Variants in LAMC2 observed in about 807,000 individuals in gnomAD.
The protein encoded by LAMC2 is laminin subunit gamma 2.
Under a neutral mutation model 140.2 loss-of-function variants are expected in LAMC2, and 97 were observed. The ratio of observed to expected loss-of-function variants is 0.69; its 90% CI spans 0.59 to 0.82. The LOEUF (loss-of-function observed/expected upper bound fraction) is 0.82. LAMC2 is among the 40% of genes least tolerant of loss of function. The pLI, the probability that LAMC2 is intolerant of heterozygous loss-of-function variation, is 0.00. For synonymous variants in LAMC2, 513 were observed against 540.2 expected (o/e 0.95, Z 0.70); for missense variants, 1,402 against 1,476.1 (o/e 0.95, Z 0.82).
intron 9 of LAMC2, 115 bp from the exon 10 acceptor site, chr1:183,227,399 TG>T: frequency 9.7e-7 from 1 of 1,034,104 alleles, no homozygotes; most frequent in Non-Finnish European, 1.5e-6. Flanking sequence ...TCAGGCACTT[TG>T]GGGAAGGCTT....
intron 7 of LAMC2, among the ~76,000 whole-genome samples, chr1:183,223,944 A>T (rs1418354719): frequency 6.6e-6 from 1 of 152,204 alleles, no homozygotes; most frequent in Non-Finnish European, 1.5e-5. Context: ...AGCTGTGCCT[A>T]CTAAGTGCTC....
the LAMC2 span, among the ~76,000 whole-genome samples, chr1:183,256,400 C>T: frequency 6.6e-6 from 1 of 152,036 alleles, no homozygotes; most frequent in African/African-American, 2.4e-5. Context: ...CAGAACCAGA[C>T]TCCATCTCAA....
the LAMC2 span, chr1:183,252,268 T>C: frequency 4.6e-5 from 10 of 216,704 alleles, no homozygotes; most frequent in South Asian, 6.8e-4. Flanking sequence ...GAGCCGCCTC[T>C]CTAGAGCATG....
At chr1:183,212,490 C>T (rs1259516664) in intron 2 of LAMC2, among the ~76,000 whole-genome samples, 2 of 152,132 alleles carry the variant, frequency 1.3e-5, no homozygotes, top group African/African-American at 2.4e-5. Flanking sequence ...TTCCATTGCT[C>T]ATTGTTTGAT....
rs1481802929 is a variant in LAMC2 at position 183,243,699 on chromosome 1, T to G, written c.*299T>G. 6.7e-6 allele frequency: 3 copies of G among 448,656 alleles called. No homozygotes were observed. The Admixed American group carries it at 1.0e-4, about 16-fold the overall frequency. The allele number at this position is 448,656 out of a possible 1,614,324, so 27.8% of individuals were successfully genotyped here. ...CAAACTGCACAGGCAGATGTTTGCC[T>G]CATAATAGTCGTAAGTGGAGTCCTG... On this transcript the variant is annotated 3_prime_UTR_variant, in exon 23 of 23. Transcript: ENST00000264144.
intron 18 of LAMC2, among the ~76,000 whole-genome samples, 155 bp downstream of exon 18, chr1:183,237,659 G>A (rs1203987159): frequency 6.6e-6 from 1 of 152,064 alleles, no homozygotes; most frequent in Non-Finnish European, 1.5e-5. Flanking sequence ...CAGGAGGATC[G>A]CTTGAACTCA....
At chr1:183,252,848 A>C in the LAMC2 span, 3 of 797,216 alleles carry the variant, frequency 3.8e-6, no homozygotes, top group Non-Finnish European at 6.5e-6. Flanking sequence ...GCCTTTTCTC[A>C]GGTTGAGTAA....
chr1:183,208,041 C>T lies in LAMC2; in HGVS notation c.240C>T (p.Arg80=). ...NGFYRHRERD[R]CLPCNCNSKG... ...TTTACCGGCACAGAGAAAGGGACCG[C>T]TGTTTGCCCTGCAATTGTAACTCCA... Residue 80 remains arginine, a synonymous_variant, in exon 2 of 23, where the codon CGC becomes CGT. Transcript: ENST00000264144. The T allele has an allele frequency of 6.2e-7, 1 of 1,613,998 alleles. No homozygotes were observed. Among genetic ancestry groups the T allele is most frequent in the Non-Finnish European group, 8.5e-7 (1 of 1,180,014 alleles).
chr1:183,237,323 C>CA (rs1403401216), intron 17 of LAMC2, 29 bp from the exon 18 acceptor site: 1 of 1,613,460 alleles, frequency 6.2e-7, no homozygotes, highest in Non-Finnish European at 8.5e-7. Flanking sequence ...AAGCAGAAGT[C>CA]AGACTCCCTG....
intron 1 of LAMC2, among the ~76,000 whole-genome samples, chr1:183,202,239 AAG>A (rs1056647391): frequency 6.6e-6 from 1 of 150,798 alleles, no homozygotes; most frequent in Non-Finnish European, 1.5e-5. Context: ...AAAAAAAACA[AAG>A]AAAACCACAC....
At chr1:183,218,609 C>T (rs2102215878) in intron 4 of LAMC2, 121 bp downstream of exon 4, 3 of 785,434 alleles carry the variant, frequency 3.8e-6, no homozygotes. Flanking sequence ...TGACCTTCTT[C>T]CTGCTCTCTG....
chr1:183,232,495 C>T (rs1659830241), intron 13 of LAMC2, 152 bp downstream of exon 13: 8 of 1,109,904 alleles, frequency 7.2e-6, no homozygotes, highest in Non-Finnish European at 1.1e-5. Context: ...GTGGCATTCC[C>T]CCTGGGATCT....
At chr1:183,255,672 T>A in the LAMC2 span, among the ~76,000 whole-genome samples, 3 of 148,468 alleles carry the variant, frequency 2.0e-5, no homozygotes, top group African/African-American at 7.7e-5. Flanking sequence ...GTTTTTTTTT[T>A]TTTTTTTTTC....
chr1:183,233,444 T>C (rs538130905), intron 14 of LAMC2, among the ~76,000 whole-genome samples: 12 of 152,302 alleles, frequency 7.9e-5, no homozygotes, highest in Admixed American at 3.3e-4. Context: ...AGAGATTTGA[T>C]TGAGCACTCT....
In LAMC2 at chr1:183,243,436, GAT is replaced by G; in HGVS notation, c.*38_*39del. 1 of 1,614,014 alleles carries G rather than the reference GAT, an allele frequency of 6.2e-7. No individual in the cohort carries two copies. Among genetic ancestry groups the G allele is most frequent in the South Asian group, 1.1e-5 (1 of 91,058 alleles). ...AATATTTCTCAACTGAGGTTCTTGGGATACAGATCTCAGGGCTCGGGAGCCAT... is the reference window on the plus strand; with the variant it reads ...AATATTTCTCAACTGAGGTTCTTGGGACAGATCTCAGGGCTCGGGAGCCAT... On this transcript the variant is annotated 3_prime_UTR_variant, in exon 23 of 23. Transcript: ENST00000264144.
At chr1:183,234,858 A>T (rs576102923) in intron 15 of LAMC2, among the ~76,000 whole-genome samples, 1 of 151,224 alleles carries the variant, frequency 6.6e-6, no homozygotes, top group South Asian at 2.1e-4. Flanking sequence ...GCAGAGGGGG[A>T]ACTTCCTCCT....
At chr1:183,198,739 C>T (rs1033335411) in intron 1 of LAMC2, among the ~76,000 whole-genome samples, 1 of 152,172 alleles carries the variant, frequency 6.6e-6, no homozygotes, top group Admixed American at 6.5e-5. Context: ...CATCGCCTTG[C>T]CCTCCTCCCA....
Position 183,243,624 on chromosome 1 carries a change from G to A in LAMC2, c.*224G>A. The A allele has an allele frequency of 1.7e-6, 1 of 590,956 alleles. No homozygotes were observed. Among genetic ancestry groups the A allele is most frequent in the Admixed American group, 2.8e-5 (1 of 35,560 alleles). The allele number at this position is 590,956 out of a possible 1,614,324, so 36.6% of individuals were successfully genotyped here. A position where few individuals can be genotyped will look rare whatever the true frequency, so the allele number is the denominator to read the frequency against. On this transcript the variant is annotated 3_prime_UTR_variant, in exon 23 of 23. Coordinates refer to ENST00000264144, the MANE Select transcript of LAMC2 (RefSeq NM_005562.3). ...GGCAATGAGGCAGATAGCACTGGGTGTGAGAATGATCAAGGATCTGGACCC... is the reference window on the plus strand; with the variant it reads ...GGCAATGAGGCAGATAGCACTGGGTATGAGAATGATCAAGGATCTGGACCC...
intron 7 of LAMC2, 36 bp downstream of exon 7, chr1:183,223,360 A>T (rs754224213): frequency 1.9e-6 from 3 of 1,575,144 alleles, no homozygotes; most frequent in Non-Finnish European, 2.6e-6. Flanking sequence ...CAATTAGAGC[A>T]AACTATGATT....
Sources: allele counts gnomAD v4.1 joint callset (sites outside exome capture counted in the v4.1 genomes callset), GRCh38; gene constraint gnomAD v4.1.1; transcripts MANE v1.5; gene names NCBI Gene and HGNC (gene_info 2026-07-23, HGNC 2026-07-21).